BBS9: variants seen among roughly 807,000 people sequenced by gnomAD.
BBS9 encodes the protein protein PTHB1.
A neutral mutation model predicts 117.7 loss-of-function variants in BBS9; 89 were observed. That is an observed-to-expected ratio of 0.76 (90% CI 0.64 to 0.90). BBS9 has a LOEUF of 0.90. Ranked by LOEUF, BBS9 falls within the 40% of genes least tolerant of loss-of-function variation. The pLI is 0.00. For synonymous variants in BBS9, 379 were observed against 370.9 expected (o/e 1.02, Z -0.25); for missense variants, 982 against 1,042.2 (o/e 0.94, Z 0.80).
chr7:33,515,660 C>G (rs914104489), intron 20 of BBS9, among the ~76,000 whole-genome samples: 1 of 152,206 alleles, frequency 6.6e-6, no homozygotes, highest in African/African-American at 2.4e-5. Flanking sequence ...TAAACCACAT[C>G]TATTTCAGGG....
chr7:33,468,562 ATAAC>A (rs2128949041), intron 19 of BBS9, among the ~76,000 whole-genome samples: 1 of 152,316 alleles, frequency 6.6e-6, no homozygotes, highest in African/African-American at 2.4e-5. Flanking sequence ...CTTGAAATAT[ATAAC>A]AAACTATAAT....
At chr7:33,430,958 G>A (rs914099880) in intron 19 of BBS9, among the ~76,000 whole-genome samples, 1 of 151,962 alleles carries the variant, frequency 6.6e-6, no homozygotes, top group African/African-American at 2.4e-5. Flanking sequence ...GGAGGCTGAG[G>A]CGGGTGGATC....
intron 20 of BBS9, among the ~76,000 whole-genome samples, chr7:33,518,415 T>C (rs1848130313): frequency 6.6e-6 from 1 of 151,752 alleles, no homozygotes; most frequent in Non-Finnish European, 1.5e-5. Flanking sequence ...TACGCCCAGC[T>C]AATTTTTGTA....
At chr7:33,613,617 C>A (rs1158178070) in intron 21 of BBS9, among the ~76,000 whole-genome samples, 3 of 151,870 alleles carry the variant, frequency 2.0e-5, no homozygotes. Flanking sequence ...ACAAAAACCT[C>A]ATTCGCTTAA....
chr7:33,441,371 A>T (rs941070301), intron 19 of BBS9, among the ~76,000 whole-genome samples: 1 of 152,226 alleles, frequency 6.6e-6, no homozygotes, highest in South Asian at 2.1e-4. Flanking sequence ...CAGACAGAGC[A>T]GGATGCAAAC....
intron 1 of BBS9, among the ~76,000 whole-genome samples, chr7:33,135,419 A>T (rs554967917): frequency 5.9e-5 from 9 of 152,238 alleles, no homozygotes; most frequent in African/African-American, 1.7e-4. Context: ...CTATTCGGTC[A>T]TCTTAGACCC....
chr7:33,305,805 C>T (rs892153612), intron 9 of BBS9, among the ~76,000 whole-genome samples: 9 of 151,768 alleles, frequency 5.9e-5, no homozygotes, highest in South Asian at 2.1e-4. Context: ...TTTTTTCTTA[C>T]GCTGGCTGAG....
chr7:33,527,077 C>G (rs7805496), intron 20 of BBS9, among the ~76,000 whole-genome samples: 62,063 of 147,748 alleles, frequency 0.42, 13,245 homozygotes, highest in African/African-American at 0.56. Flanking sequence ...AGGGGTCAGG[C>G]ACCCACTTGA....
intron 17 of BBS9, among the ~76,000 whole-genome samples, chr7:33,370,020 A>G (rs997904820): frequency 1.3e-5 from 2 of 152,162 alleles, no homozygotes; most frequent in African/African-American, 4.8e-5. Context: ...CCAAGCCTTC[A>G]TGTATGCTGT....
intron 21 of BBS9, among the ~76,000 whole-genome samples, chr7:33,588,135 A>G (rs1281589854): frequency 6.6e-6 from 1 of 152,014 alleles, no homozygotes; most frequent in African/African-American, 2.4e-5. Context: ...CTGGGATCTT[A>G]TTTCTTCTCT....
At chr7:33,326,281 A>C (rs1400214254) in intron 9 of BBS9, among the ~76,000 whole-genome samples, 32 of 116,686 alleles carry the variant, frequency 2.7e-4, no homozygotes, top group African/African-American at 3.8e-4. Context: ...TATTACTACC[A>C]CCTCTAGGCT....
At chr7:33,161,264 T>C (rs965721074) in intron 4 of BBS9, among the ~76,000 whole-genome samples, 19 of 152,144 alleles carry the variant, frequency 1.2e-4, no homozygotes, top group Admixed American at 5.9e-4. Context: ...ATGCTATCCC[T>C]GCCCCTGCAC....
chr7:33,379,530 T>A (rs1216791884), intron 17 of BBS9, among the ~76,000 whole-genome samples: 4 of 152,198 alleles, frequency 2.6e-5, no homozygotes, highest in African/African-American at 9.6e-5. Context: ...GAATTTTCTT[T>A]GAAAAATTAG....
At chr7:33,307,554 G>A (rs181653337) in intron 9 of BBS9, among the ~76,000 whole-genome samples, 1 of 151,296 alleles carries the variant, frequency 6.6e-6, no homozygotes, top group Admixed American at 6.6e-5. Flanking sequence ...AGGAATTCCT[G>A]CAGATCCAAA....
intron 4 of BBS9, among the ~76,000 whole-genome samples, chr7:33,171,004 A>G (rs1474350668): frequency 2.7e-5 from 4 of 149,922 alleles, no homozygotes; most frequent in African/African-American, 4.9e-5. Flanking sequence ...GGAAGAATCA[A>G]TATCATGAAA....
intron 19 of BBS9, among the ~76,000 whole-genome samples, chr7:33,406,879 G>C (rs370908978): frequency 6.6e-6 from 1 of 151,948 alleles, no homozygotes; most frequent in Non-Finnish European, 1.5e-5. Flanking sequence ...TTTTTCCTTC[G>C]TTTCAACTTT....
intron 5 of BBS9, among the ~76,000 whole-genome samples, chr7:33,224,295 G>C (rs146935096): frequency 9.9e-4 from 151 of 152,234 alleles, no homozygotes; most frequent in African/African-American, 3.5e-3. Flanking sequence ...TTAGTTACTT[G>C]GGTTTACACA....
At chr7:33,464,315 A>T (rs1164404704) in intron 19 of BBS9, among the ~76,000 whole-genome samples, 1 of 152,048 alleles carries the variant, frequency 6.6e-6, no homozygotes, top group Non-Finnish European at 1.5e-5. Flanking sequence ...GTAGATCAGA[A>T]GATTTGGGAT....
At chr7:33,332,774 T>C (rs184801363) in intron 9 of BBS9, among the ~76,000 whole-genome samples, 2 of 152,350 alleles carry the variant, frequency 1.3e-5, no homozygotes, top group Admixed American at 6.5e-5. Flanking sequence ...TACTATATTA[T>C]CATTCTTGAT....
Sources: allele counts gnomAD v4.1 joint callset (sites outside exome capture counted in the v4.1 genomes callset), GRCh38; gene constraint gnomAD v4.1.1; transcripts MANE v1.5; gene names NCBI Gene and HGNC (gene_info 2026-07-23, HGNC 2026-07-21).